The following PCDH15 variants were observed in gnomAD, a reference collection of about 807,000 sequenced individuals.
PCDH15 encodes the protein protocadherin related 15.
A neutral mutation model predicts 178.5 loss-of-function variants in PCDH15; 129 were observed. That is an observed-to-expected ratio of 0.72 (90% CI 0.63 to 0.84). PCDH15 has a LOEUF of 0.84. PCDH15 is among the 40% of genes least tolerant of loss of function. PCDH15 has a pLI of 0.00. For synonymous variants in PCDH15, 800 were observed against 732.0 expected (o/e 1.09, Z -1.50); for missense variants, 2,230 against 2,099.9 (o/e 1.06, Z -1.21).
At chr10:53,895,691 T>C (rs2081903632) in intron 26 of PCDH15, among the ~76,000 whole-genome samples, 1 of 152,192 alleles carries the variant, frequency 6.6e-6, no homozygotes. Context: ...CAACATGCAA[T>C]AAACTGGAAA....
At chr10:55,603,298 G>C (rs986002531) in intron 2 of PCDH15, among the ~76,000 whole-genome samples, 3 of 150,398 alleles carry the variant, frequency 2.0e-5, no homozygotes, top group Non-Finnish European at 4.5e-5. Flanking sequence ...GGGGAGAATG[G>C]AACCAAGTTG....
chr10:54,886,665 G>C (rs1409295476), intron 3 of PCDH15, among the ~76,000 whole-genome samples: 2 of 152,228 alleles, frequency 1.3e-5, no homozygotes, highest in African/African-American at 4.8e-5. Context: ...GGGAGGCCTT[G>C]GCAGGAGAAT....
At chr10:54,495,979 T>G (rs916799571) in intron 3 of PCDH15, among the ~76,000 whole-genome samples, 1 of 152,138 alleles carries the variant, frequency 6.6e-6, no homozygotes, top group Non-Finnish European at 1.5e-5. Context: ...CAGATAAGGG[T>G]AAAATTCTGG....
At chr10:55,599,668 T>A in intron 2 of PCDH15, 1 of 306,690 alleles carries the variant, frequency 3.3e-6, no homozygotes, top group Non-Finnish European at 6.0e-6. Flanking sequence ...AAATGATTAA[T>A]AGACATCTTA....
intron 1 of PCDH15, among the ~76,000 whole-genome samples, chr10:54,754,403 T>C (rs1444396770): frequency 6.6e-6 from 1 of 152,110 alleles, no homozygotes. Context: ...ATATCTAATA[T>C]CACTACATAT....
chr10:54,116,620 G>A (rs1283811906), intron 15 of PCDH15, among the ~76,000 whole-genome samples: 1 of 152,186 alleles, frequency 6.6e-6, no homozygotes, highest in Non-Finnish European at 1.5e-5. Flanking sequence ...CAGAGTCAGA[G>A]TAAAGAGCCC....
At chr10:54,912,931 G>A (rs1273914597) in intron 2 of PCDH15, among the ~76,000 whole-genome samples, 1 of 152,116 alleles carries the variant, frequency 6.6e-6, no homozygotes, top group Non-Finnish European at 1.5e-5. Flanking sequence ...AAAAGAGACT[G>A]TTGGCATTGT....
intron 2 of PCDH15, among the ~76,000 whole-genome samples, chr10:55,510,393 A>T (rs2132150690): frequency 6.6e-6 from 1 of 152,102 alleles, no homozygotes. Flanking sequence ...AAAGTATGGA[A>T]TGTGGGAGTG....
At chr10:55,411,495 GGC>G (rs780185192) in intron 2 of PCDH15, among the ~76,000 whole-genome samples, 2 of 151,852 alleles carry the variant, frequency 1.3e-5, no homozygotes, top group Non-Finnish European at 2.9e-5. Context: ...CTCTCTCCAA[GGC>G]ATAGTTAACA....
rs117540968 is a variant in PCDH15 at position 53,940,257 on chromosome 10, T to C, written c.3232+609A>G. 3.9e-4 allele frequency among the ~76,000 whole-genome samples: 59 copies of C among 152,244 alleles called. 2 individuals are homozygous for C. In the East Asian group the frequency reaches 6.4e-3, roughly 16 times the overall value. On this transcript the variant is annotated intron_variant, in intron 24 of 37. Transcript: ENST00000644397. ...GTAAAACAAAAATTAATGCGAAAGATTGAGCTATGACCTTATTCCCAGAGG... is the reference window on the plus strand; with the variant it reads ...GTAAAACAAAAATTAATGCGAAAGACTGAGCTATGACCTTATTCCCAGAGG...
At chr10:54,859,975 T>G (rs998125696) in intron 3 of PCDH15, among the ~76,000 whole-genome samples, 1 of 152,040 alleles carries the variant, frequency 6.6e-6, no homozygotes, top group African/African-American at 2.4e-5. Flanking sequence ...TGTAATAAAC[T>G]ATGACAACTC....
chr10:54,925,236 T>C (rs1837588004), intron 2 of PCDH15, among the ~76,000 whole-genome samples: 2 of 152,140 alleles, frequency 1.3e-5, no homozygotes, highest in South Asian at 4.1e-4. Context: ...TTGACTTTGC[T>C]GAAGAGTAGA....
chr10:55,530,652 C>T (rs532503082), intron 2 of PCDH15, among the ~76,000 whole-genome samples: 2 of 152,088 alleles, frequency 1.3e-5, no homozygotes, highest in Admixed American at 6.6e-5. Context: ...GGAAACTGTT[C>T]CCCATGATAA....
chr10:54,075,319 G>A (rs2094321388), intron 17 of PCDH15, among the ~76,000 whole-genome samples: 3 of 152,080 alleles, frequency 2.0e-5, no homozygotes, highest in Admixed American at 2.0e-4. Flanking sequence ...GGAGTTTGCA[G>A]TGAGCCGAGA....
rs537179684 is a variant in PCDH15, at chr10:53,875,331, TG to T, written c.3502-8475del. On this transcript the variant is annotated intron_variant, in intron 26 of 37. Transcript: ENST00000644397. ...AAAATTCATAGAGATATTTTAGTAA[TG>T]GCATAAATAATTCATAAATATATTC... Among the ~76,000 whole-genome samples, 813 of 90,322 alleles carry T rather than the reference TG, an allele frequency of 9.0e-3. 7 individuals are homozygous for T. Among genetic ancestry groups the T allele is most frequent in the Non-Finnish European group, 0.012 (490 of 39,984 alleles). The allele number at this position is 90,322 out of a possible 152,430, so 59.3% of individuals were successfully genotyped here.
chr10:54,691,529 C>T (rs2095120026), intron 1 of PCDH15, among the ~76,000 whole-genome samples: 1 of 151,686 alleles, frequency 6.6e-6, no homozygotes, highest in East Asian at 2.0e-4. Context: ...CTTTCTGCAG[C>T]AGGAGCTAGG....
chr10:54,738,278 T>A (rs1398020927), intron 1 of PCDH15, among the ~76,000 whole-genome samples: 1 of 152,074 alleles, frequency 6.6e-6, no homozygotes, highest in Non-Finnish European at 1.5e-5. Flanking sequence ...GGCTGCTATA[T>A]TGAGAATAGA....
intron 27 of PCDH15, among the ~76,000 whole-genome samples, chr10:53,860,724 CAAAAAAAAAA>C (rs11345773): frequency 1.6e-3 from 126 of 78,036 alleles, no homozygotes; most frequent in Non-Finnish European, 2.5e-3. Flanking sequence ...GACTCTGTCT[CAAAAAAAAAA>C]AAAAAAAAAA....
intron 2 of PCDH15, among the ~76,000 whole-genome samples, chr10:55,565,654 G>A (rs1287736033): frequency 6.6e-6 from 1 of 151,554 alleles, no homozygotes; most frequent in Non-Finnish European, 1.5e-5. Context: ...AATGAAAATG[G>A]TGACTTTGCT....
Sources: allele counts gnomAD v4.1 joint callset (sites outside exome capture counted in the v4.1 genomes callset), GRCh38; gene constraint gnomAD v4.1.1; transcripts MANE v1.5; gene names NCBI Gene and HGNC (gene_info 2026-07-23, HGNC 2026-07-21).